NOMO1: variants seen among roughly 807,000 people sequenced by gnomAD.
NOMO1 encodes nodal modulator 3.
Under a neutral mutation model 133.8 loss-of-function variants are expected in NOMO1, and 40 were observed. That is an observed-to-expected ratio of 0.30 (90% CI 0.23 to 0.39). The LOEUF (loss-of-function observed/expected upper bound fraction) is 0.39. NOMO1 is among the 10% of genes least tolerant of loss of function. The pLI, the probability that NOMO1 is intolerant of heterozygous loss-of-function variation, is 1.00. For synonymous variants in NOMO1, 236 were observed against 570.5 expected (o/e 0.41, Z 8.36); for missense variants, 462 against 1,419.9 (o/e 0.33, Z 10.84).
In NOMO1 at chr16:14,856,315, C is replaced by A. The variant is rs2606828; in HGVS notation, c.964-902C>A. On this transcript the variant is annotated intron_variant, in intron 9 of 30. Coordinates refer to ENST00000287667, the MANE Select transcript of NOMO1 (RefSeq NM_014287.4). ...AACTCAGTAACTGCAGAGAAAGCACCGGTGTGCTGCTCACAGGCGAGTGGG... is the reference window on the plus strand; with the variant it reads ...AACTCAGTAACTGCAGAGAAAGCACAGGTGTGCTGCTCACAGGCGAGTGGG... Among the ~76,000 whole-genome samples, 128 of 151,526 alleles carry A rather than the reference C, an allele frequency of 8.4e-4. 1 individual carries two copies. The highest frequency in any genetic ancestry group is 6.0e-3 in the South Asian group (29 of 4,812).
chr16:14,869,077 TACA>T (rs1342338692), intron 16 of NOMO1, among the ~76,000 whole-genome samples: 1 of 152,026 alleles, frequency 6.6e-6, no homozygotes, highest in African/African-American at 2.4e-5. Context: ...TAGCTGGGAT[TACA>T]GGTGCCCACC....
intron 18 of NOMO1, among the ~76,000 whole-genome samples, 159 bp from the exon 19 acceptor site, chr16:14,874,877 T>C (rs1964131017): frequency 6.6e-6 from 1 of 152,008 alleles, no homozygotes; most frequent in South Asian, 2.1e-4. Context: ...TGTTATTTTT[T>C]GTGAAACTAC....
chr16:14,839,064 T>TC (rs1389197037), intron 2 of NOMO1, among the ~76,000 whole-genome samples: 2 of 151,684 alleles, frequency 1.3e-5, no homozygotes, highest in Non-Finnish European at 2.9e-5. Context: ...TTTTTTTTTT[T>TC]CTTCTTTTGA....
At chr16:14,845,913 G>A (rs1197322068) in intron 4 of NOMO1, among the ~76,000 whole-genome samples, 39 of 151,520 alleles carry the variant, frequency 2.6e-4, no homozygotes, top group Admixed American at 1.6e-3. Context: ...CACAACCTCC[G>A]CCTCCTGGGT....
chr16:14,874,156 C>G (rs993308191), intron 18 of NOMO1, among the ~76,000 whole-genome samples: 1 of 151,094 alleles, frequency 6.6e-6, no homozygotes, highest in Non-Finnish European at 1.5e-5. Context: ...TTCCTGTTTC[C>G]GCCATTGCTT....
intron 4 of NOMO1, among the ~76,000 whole-genome samples, chr16:14,846,353 G>A (rs1597093767): frequency 6.7e-6 from 1 of 150,048 alleles, no homozygotes; most frequent in Admixed American, 6.6e-5. Context: ...ATCTATAACT[G>A]ATGATGTCTT....
In NOMO1 at chr16:14,857,703, C is replaced by T. The variant is rs374098972; in HGVS notation, c.1220+48C>T. The T allele has an allele frequency of 1.4e-4, 224 of 1,613,062 alleles. 1 individual carries two copies. Among genetic ancestry groups the T allele is most frequent in the Middle Eastern group, 3.3e-4 (2 of 6,072 alleles). On this transcript the variant is annotated intron_variant, in intron 11 of 30. Transcript: ENST00000287667. ...GAAGCGCCAGTAAATATGCTGGCAG[C>T]CAGTGTAGAACCGAATGACCTGTGA...
chr16:14,883,658 C>A (rs928484725), intron 26 of NOMO1, among the ~76,000 whole-genome samples: 1 of 151,064 alleles, frequency 6.6e-6, no homozygotes, highest in African/African-American at 2.4e-5. Context: ...GACGTCTTTA[C>A]GGTGTTGGCA....
At position 14,862,342 on chromosome 16, in the gene NOMO1, A is replaced by G. The variant is rs572848704; in HGVS notation, c.1221-671A>G. On this transcript the variant is annotated intron_variant, in intron 11 of 30. Coordinates refer to ENST00000287667, the MANE Select transcript of NOMO1 (RefSeq NM_014287.4). ...GGGCCTCTCGTGTGTTATTCGAGGG[A>G]TGCCTTGCAACACCTTACTCCTTAT... The G allele has an allele frequency of 1.0e-4, 16 of 153,030 alleles. 1 individual carries two copies. The highest frequency in any genetic ancestry group is 3.6e-4 in the African/African-American group (15 of 41,418). The allele number at this position is 153,030 out of a possible 1,614,324, so 9.5% of individuals were successfully genotyped here.
intron 28 of NOMO1, chr16:14,888,273 TCTC>T (rs1264893557): frequency 2.0e-5 from 3 of 151,632 alleles, no homozygotes; most frequent in Non-Finnish European, 2.9e-5. Flanking sequence ...CACGGAATTT[TCTC>T]CTCCTCTTTC....
chr16:14,846,819 C>T (rs1267530979), intron 5 of NOMO1, 136 bp downstream of exon 5: 12 of 1,501,622 alleles, frequency 8.0e-6, no homozygotes, highest in African/African-American at 1.4e-5. Flanking sequence ...AGTTCATGCC[C>T]GTCAGAGTGC....
chr16:14,894,330 G>C (rs533585988), intron 29 of NOMO1, among the ~76,000 whole-genome samples: 14 of 152,242 alleles, frequency 9.2e-5, no homozygotes, highest in Non-Finnish European at 1.6e-4. Context: ...ACTTCCCTAG[G>C]GTCCAGCCAG....
chr16:14,876,565 C>A (rs543746989), intron 21 of NOMO1, 47 bp downstream of exon 21: 1 of 1,611,426 alleles, frequency 6.2e-7, no homozygotes, highest in Non-Finnish European at 8.5e-7. Flanking sequence ...GCGTGGGAGT[C>A]CTCTGAAGAA....
intron 3 of NOMO1, among the ~76,000 whole-genome samples, chr16:14,843,713 CTT>C (rs1491147720): frequency 2.7e-5 from 2 of 73,716 alleles, no homozygotes; most frequent in African/African-American, 3.8e-5. Context: ...TTATTGGAGT[CTT>C]TGTGTGTGTG....
intron 10 of NOMO1, 40 bp from the exon 11 acceptor site, chr16:14,857,465 T>C: frequency 6.2e-7 from 1 of 1,607,368 alleles, no homozygotes; most frequent in Non-Finnish European, 8.5e-7. Flanking sequence ...TACACTGTTG[T>C]TTTTGGCTTA....
intron 6 of NOMO1, among the ~76,000 whole-genome samples, chr16:14,850,623 C>T (rs2151894812): frequency 6.6e-6 from 1 of 150,876 alleles, no homozygotes; most frequent in Non-Finnish European, 1.5e-5. Flanking sequence ...GCTAAAGAAG[C>T]ATTGGAATCA....
chr16:14,849,896 C>CTTTT (rs1171906105), intron 6 of NOMO1, among the ~76,000 whole-genome samples: 8 of 87,934 alleles, frequency 9.1e-5, no homozygotes, highest in Admixed American at 1.2e-4. Context: ...CAGATACAGT[C>CTTTT]TTTTTTTTTT....
intron 1 of NOMO1, among the ~76,000 whole-genome samples, chr16:14,836,481 G>A (rs1051783131): frequency 6.6e-6 from 1 of 151,978 alleles, no homozygotes; most frequent in African/African-American, 2.4e-5. Context: ...TGGTCATAGA[G>A]CATTAACATT....
At chr16:14,879,722 G>A (rs1172418303) in intron 23 of NOMO1, among the ~76,000 whole-genome samples, 1 of 140,100 alleles carries the variant, frequency 7.1e-6, no homozygotes, top group African/African-American at 2.7e-5. Flanking sequence ...CTGGGGGACA[G>A]AGTCAGGCCC....
Sources: allele counts gnomAD v4.1 joint callset (sites outside exome capture counted in the v4.1 genomes callset), GRCh38; gene constraint gnomAD v4.1.1; transcripts MANE v1.5; gene names NCBI Gene and HGNC (gene_info 2026-07-23, HGNC 2026-07-21).